Variants in PCDH11X observed in about 807,000 individuals in gnomAD.
PCDH11X encodes the protein protocadherin 11 X-linked.
A neutral mutation model predicts 53.3 loss-of-function variants in PCDH11X; 18 were observed. That is an observed-to-expected ratio of 0.34 (90% CI 0.23 to 0.50). The LOEUF (loss-of-function observed/expected upper bound fraction) is 0.50. Among genes scored for constraint, PCDH11X ranks in the 20% least tolerant of loss-of-function variants. PCDH11X has a pLI of 0.98. For missense variants in PCDH11X, 570 were observed against 1,032.4 expected (o/e 0.55, Z 6.14); for synonymous variants, 279 against 393.3 (o/e 0.71, Z 3.44).
chrX:92,446,922 T>C (rs2072664987), intron 9 of PCDH11X, among the ~76,000 whole-genome samples: 1 of 111,374 alleles, frequency 9.0e-6, no homozygotes, highest in Non-Finnish European at 1.9e-5. Context: ...GCTGAGGTGG[T>C]GTCAGATGGA....
At chrX:91,875,421 C>G (rs1021422632) in intron 5 of PCDH11X, among the ~76,000 whole-genome samples, 4 of 107,007 alleles carry the variant, frequency 3.7e-5, no homozygotes, top group African/African-American at 1.4e-4. Context: ...CAGCTGGGAC[C>G]ACAGGCGCCC....
intron 7 of PCDH11X, among the ~76,000 whole-genome samples, chrX:92,234,931 T>A (rs1233031364): frequency 9.0e-6 from 1 of 110,766 alleles, no homozygotes; most frequent in Non-Finnish European, 1.9e-5. Flanking sequence ...AAAGGAAAAA[T>A]TATCCTTTTT....
At chrX:91,780,774 G>T (rs1318892010) in intron 1 of PCDH11X, among the ~76,000 whole-genome samples, 1 of 112,944 alleles carries the variant, frequency 8.9e-6, no homozygotes, top group African/African-American at 3.2e-5. Context: ...CTTTAGAAGA[G>T]CGGAGCGGCA....
intron 10 of PCDH11X, among the ~76,000 whole-genome samples, chrX:92,522,310 A>G (rs1290015424): frequency 1.8e-5 from 2 of 112,031 alleles, no homozygotes; most frequent in African/African-American, 6.5e-5. Flanking sequence ...GAAATAGGCC[A>G]GAAGAAAAAG....
intron 10 of PCDH11X, among the ~76,000 whole-genome samples, chrX:92,485,736 A>C (rs1465546410): frequency 8.9e-6 from 1 of 111,793 alleles, no homozygotes; most frequent in Non-Finnish European, 1.9e-5. Context: ...TGTAGAGCTG[A>C]AAATGTAGAG....
At chrX:92,435,115 A>T (rs1048973550) in intron 9 of PCDH11X, among the ~76,000 whole-genome samples, 1 of 111,250 alleles carries the variant, frequency 9.0e-6, no homozygotes, top group African/African-American at 3.3e-5. Flanking sequence ...AATCATAATA[A>T]AATGATACAG....
intron 6 of PCDH11X, among the ~76,000 whole-genome samples, chrX:91,975,198 T>C (rs1241190984): frequency 3.6e-5 from 4 of 111,577 alleles, no homozygotes; most frequent in Non-Finnish European, 7.5e-5. Context: ...TGGTGAAAAG[T>C]GGTCAGTTTC....
chrX:92,276,462 G>A (rs1414688457), intron 8 of PCDH11X, among the ~76,000 whole-genome samples: 1 of 110,300 alleles, frequency 9.1e-6, no homozygotes, highest in Non-Finnish European at 1.9e-5. Flanking sequence ...ACACAGCTTA[G>A]GAGGAATCCT....
chrX:92,289,569 T>C (rs1469351881), intron 8 of PCDH11X, among the ~76,000 whole-genome samples: 2 of 111,643 alleles, frequency 1.8e-5, no homozygotes, highest in East Asian at 5.6e-4. Flanking sequence ...TACATTTTAG[T>C]AAACTAAGGG....
At chrX:91,944,586 T>C (rs932050433) in intron 6 of PCDH11X, among the ~76,000 whole-genome samples, 9 of 108,011 alleles carry the variant, frequency 8.3e-5, no homozygotes, top group African/African-American at 3.0e-4. Flanking sequence ...ATACACTGGC[T>C]CTATCTGTAG....
chrX:92,431,853 C>A (rs1279641771), intron 9 of PCDH11X, among the ~76,000 whole-genome samples: 1 of 109,579 alleles, frequency 9.1e-6, no homozygotes, highest in Non-Finnish European at 1.9e-5. Flanking sequence ...AAATCTTAAA[C>A]AAATTTTAAA....
At chrX:92,086,450 G>T (rs192105064) in intron 6 of PCDH11X, among the ~76,000 whole-genome samples, 349 of 110,967 alleles carry the variant, frequency 3.1e-3, no homozygotes, top group African/African-American at 0.011. Flanking sequence ...CGTCTTTGAA[G>T]TGGAATATTC....
Position 92,430,563 on chromosome X carries a change from C to A in PCDH11X, c.3344-37736C>A, listed in dbSNP as rs1458596162. 3.2e-5 allele frequency among the ~76,000 whole-genome samples: 3 copies of A among 94,253 alleles called. No homozygotes were observed. The Admixed American group carries it at 3.3e-4, about 10-fold the overall frequency. The allele number at this position is 94,253 out of a possible 115,157, so 81.8% of individuals were successfully genotyped here. On this transcript the variant is annotated intron_variant, in intron 9 of 10. Coordinates refer to ENST00000682573, the MANE Select transcript of PCDH11X (RefSeq NM_032968.5). ...GGTTGAACTTTGACCATTTCTCTGA[C>A]AATAATTTGCAACCTCCATGAGATC...
intron 10 of PCDH11X, among the ~76,000 whole-genome samples, chrX:92,540,096 T>C (rs1048417298): frequency 9.0e-6 from 1 of 111,363 alleles, no homozygotes; most frequent in Admixed American, 9.5e-5. Flanking sequence ...TAGGGCTCTA[T>C]AATCAGCAGG....
intron 6 of PCDH11X, among the ~76,000 whole-genome samples, chrX:92,167,081 A>G (rs1476433644): frequency 8.3e-5 from 9 of 108,765 alleles, no homozygotes; most frequent in East Asian, 2.9e-4. Context: ...CTTTTTGCTA[A>G]AATGTACTAT....
chrX:92,256,990 G>A (rs767333182), intron 7 of PCDH11X, among the ~76,000 whole-genome samples: 2 of 111,288 alleles, frequency 1.8e-5, no homozygotes, highest in South Asian at 7.5e-4. Flanking sequence ...AAATTTCTGA[G>A]ACTGGGTAAT....
At position 92,419,847 on chromosome X, in the gene PCDH11X, T is replaced by C. The variant is rs571789809; in HGVS notation, c.3343+31914T>C. 5.6e-5 allele frequency among the ~76,000 whole-genome samples: 6 copies of C among 108,031 alleles called. No individual in the cohort carries two copies. The South Asian group carries it at 1.7e-3, about 30-fold the overall frequency. The allele number at this position is 108,031 out of a possible 115,157, so 93.8% of individuals were successfully genotyped here. A position where few individuals can be genotyped will look rare whatever the true frequency, so the allele number is the denominator to read the frequency against. On this transcript the variant is annotated intron_variant, in intron 9 of 10. Coordinates refer to ENST00000682573, the MANE Select transcript of PCDH11X (RefSeq NM_032968.5). The stretch of plus-strand genomic sequence containing the variant: ...GGCGCGCGCCACCATACCCAGCTAA[T>C]TTTTTTGTATTTTTAGTAGAGACGG...
At chrX:92,282,717 A>G (rs942599991) in intron 8 of PCDH11X, among the ~76,000 whole-genome samples, 2 of 111,646 alleles carry the variant, frequency 1.8e-5, no homozygotes, top group African/African-American at 6.5e-5. Flanking sequence ...CACTACCAAC[A>G]AACAAACTTT....
At chrX:92,033,018 G>A (rs1371720137) in intron 6 of PCDH11X, among the ~76,000 whole-genome samples, 1 of 106,916 alleles carries the variant, frequency 9.4e-6, no homozygotes, top group African/African-American at 3.4e-5. Flanking sequence ...TGTTGCCCAG[G>A]CTGGTCTTGA....
Sources: gnomAD v4.1 joint callset for allele counts (sites outside exome capture counted in the v4.1 genomes callset) on GRCh38, gnomAD v4.1.1 for gene constraint, MANE v1.5 for transcripts, NCBI Gene and HGNC (gene_info 2026-07-23, HGNC 2026-07-21) for gene names.